HMGCLL1: variants seen among roughly 807,000 people sequenced by gnomAD.
The protein encoded by HMGCLL1 is 3-hydroxymethyl-3-methylglutaryl-CoA lyase, cytoplasmic.
HMGCLL1 carries 36 observed loss-of-function variants against 39.1 expected under a neutral mutation model. The observed-to-expected ratio is 0.92, with a 90% CI of 0.71 to 1.22. HMGCLL1 has a LOEUF of 1.22. HMGCLL1 is among the 50% of genes most tolerant of loss of function. The pLI is 0.00. For synonymous variants in HMGCLL1, 149 were observed against 144.0 expected, an observed-to-expected ratio of 1.03 and a Z score of -0.25; for missense variants, 451 against 416.5, an observed-to-expected ratio of 1.08 and a Z score of -0.72.
chr6:55,550,312 C>T (rs572061065), intron 1 of HMGCLL1, among the ~76,000 whole-genome samples: 76 of 151,872 alleles, frequency 5.0e-4, no homozygotes, highest in Non-Finnish European at 9.6e-4. Context: ...CAGCTGATGG[C>T]ATTTCACTGG....
At chr6:55,588,209 A>G in the HMGCLL1 span, among the ~76,000 whole-genome samples, 1 of 152,210 alleles carries the variant, frequency 6.6e-6, no homozygotes, top group Non-Finnish European at 1.5e-5. Context: ...ACTGTCTCTC[A>G]GACCGCAGTG....
intron 7 of HMGCLL1, among the ~76,000 whole-genome samples, chr6:55,484,446 C>A (rs527693631): frequency 1.3e-5 from 2 of 152,080 alleles, no homozygotes; most frequent in East Asian, 3.9e-4. Flanking sequence ...TCACTGAAGA[C>A]TTCATATCCC....
Position 55,477,238 on chromosome 6 carries a change from TA to T in HMGCLL1, c.795+18180del, listed in dbSNP as rs1372375632. ...ATATTATAATATATAATATATATTA[TA>T]TTTATATAATATATAATATATATTA... On this transcript the variant is annotated intron_variant, in intron 7 of 8. Transcript: ENST00000274901. Among the ~76,000 whole-genome samples the T allele has an allele frequency of 5.0e-4, 6 of 12,050 alleles. 1 individual carries two copies. Among genetic ancestry groups the T allele is most frequent in the African/African-American group, 1.7e-3 (3 of 1,788 alleles). The allele number at this position is 12,050 out of a possible 152,430, so 7.9% of individuals were successfully genotyped here.
the HMGCLL1 span, among the ~76,000 whole-genome samples, chr6:55,624,902 A>G: frequency 2.0e-5 from 3 of 152,122 alleles, no homozygotes; most frequent in Non-Finnish European, 4.4e-5. Flanking sequence ...CCATTTATTG[A>G]GTGACCTGAA....
chr6:55,594,636 G>A, the HMGCLL1 span, among the ~76,000 whole-genome samples: 4 of 152,110 alleles, frequency 2.6e-5, no homozygotes, highest in African/African-American at 9.7e-5. Flanking sequence ...AGCACGCAGG[G>A]TGCTAGCTGA....
the HMGCLL1 span, among the ~76,000 whole-genome samples, chr6:55,592,100 T>C: frequency 6.6e-6 from 1 of 151,994 alleles, no homozygotes; most frequent in African/African-American, 2.4e-5. Flanking sequence ...AAGCCAGTGC[T>C]AAAGACCTGG....
In HMGCLL1 at chr6:55,558,746, C is replaced by A. The variant is rs551450690; in HGVS notation, c.109-16606G>T. Among the ~76,000 whole-genome samples, 46 of 152,236 alleles carry A rather than the reference C, an allele frequency of 3.0e-4. 1 individual carries two copies. Among genetic ancestry groups the A allele is most frequent in the African/African-American group, 8.9e-4 (37 of 41,546 alleles). On this transcript the variant is annotated intron_variant, in intron 1 of 8. Transcript: ENST00000274901. ...TCTTTTCCAGAGGGTAAGCTCTGGG[C>A]AAACATGTGAAAAAGGAACTTTGCT...
the HMGCLL1 span, among the ~76,000 whole-genome samples, chr6:55,678,888 A>C: frequency 6.6e-6 from 1 of 152,222 alleles, no homozygotes; most frequent in Non-Finnish European, 1.5e-5. Context: ...TATTTTGTTG[A>C]GTATACTTAC....
the HMGCLL1 span, among the ~76,000 whole-genome samples, chr6:55,641,288 A>T: frequency 6.6e-6 from 1 of 152,004 alleles, no homozygotes; most frequent in South Asian, 2.1e-4. Context: ...AATTTCTTAT[A>T]TATAATTAAT....
At chr6:55,439,308 G>A in intron 8 of HMGCLL1, 126 bp downstream of exon 8, 1 of 873,032 alleles carries the variant, frequency 1.1e-6, no homozygotes, top group Non-Finnish European at 1.7e-6. Flanking sequence ...TTCCCACTGT[G>A]CATTTTAGCA....
chr6:55,452,159 G>A (rs1355361680), intron 7 of HMGCLL1, among the ~76,000 whole-genome samples: 1 of 152,148 alleles, frequency 6.6e-6, no homozygotes, highest in Non-Finnish European at 1.5e-5. Context: ...GAACATTTGA[G>A]TGGATCACTA....
chr6:55,487,471 G>A (rs992302036), intron 7 of HMGCLL1, among the ~76,000 whole-genome samples: 12 of 151,468 alleles, frequency 7.9e-5, no homozygotes, highest in East Asian at 3.9e-4. Flanking sequence ...GACAGGCCCC[G>A]GTGTGTGATG....
chr6:55,571,847 TAGAGGTA>T (rs1485429699), intron 1 of HMGCLL1, among the ~76,000 whole-genome samples: 2 of 151,954 alleles, frequency 1.3e-5, no homozygotes, highest in African/African-American at 4.8e-5. Flanking sequence ...CAAACATGAT[TAGAGGTA>T]AATTCATCTA....
At chr6:55,511,354 C>T (rs913451134) in intron 5 of HMGCLL1, among the ~76,000 whole-genome samples, 45 of 151,948 alleles carry the variant, frequency 3.0e-4, no homozygotes, top group Non-Finnish European at 5.1e-4. Context: ...ACGTTATGTA[C>T]AGTTCTGAGC....
chr6:55,594,343 G>T, the HMGCLL1 span, among the ~76,000 whole-genome samples: 9 of 152,068 alleles, frequency 5.9e-5, no homozygotes, highest in African/African-American at 2.2e-4. Context: ...AGTTTACACG[G>T]TCTTGGTGTC....
At chr6:55,533,758 C>T (rs1020050031) in intron 3 of HMGCLL1, among the ~76,000 whole-genome samples, 7 of 149,256 alleles carry the variant, frequency 4.7e-5, no homozygotes, top group Non-Finnish European at 6.0e-5. Context: ...TGGTAGCGGG[C>T]GCCTGTAGTC....
the HMGCLL1 span, among the ~76,000 whole-genome samples, chr6:55,616,894 A>G: frequency 1.3e-5 from 2 of 152,080 alleles, no homozygotes; most frequent in South Asian, 2.1e-4. Context: ...GGAGACTTCA[A>G]GAACAAAAAA....
At chr6:55,562,961 CCAA>C (rs1180414494) in intron 1 of HMGCLL1, among the ~76,000 whole-genome samples, 2 of 151,992 alleles carry the variant, frequency 1.3e-5, no homozygotes, top group African/African-American at 2.4e-5. Context: ...TACCATTTAC[CCAA>C]CAATAGTAAA....
Position 55,435,155 on chromosome 6 carries a change from T to C in HMGCLL1, c.*507A>G, listed in dbSNP as rs1420803798. On this transcript the variant is annotated 3_prime_UTR_variant, in exon 9 of 9. Coordinates refer to ENST00000274901, the MANE Select transcript of HMGCLL1 (RefSeq NM_001042406.2). The stretch of plus-strand genomic sequence containing the variant: ...TATAAAAGTTCTATTGCTAAAATTA[T>C]GTAGGGTCAGATGGAGATTTGGCTT... 6.6e-6 allele frequency: 1 copy of C among 152,600 alleles called. No individual in the cohort carries two copies. Among genetic ancestry groups the C allele is most frequent in the Non-Finnish European group, 1.5e-5 (1 of 68,024 alleles). 9.5% of individuals were successfully genotyped at this position (152,600 alleles called of 1,614,324 possible).
Sources: gnomAD v4.1 joint callset for allele counts (sites outside exome capture counted in the v4.1 genomes callset) on GRCh38, gnomAD v4.1.1 for gene constraint, MANE v1.5 for transcripts, NCBI Gene and HGNC (gene_info 2026-07-23, HGNC 2026-07-21) for gene names.